MINDY4: variants seen among roughly 807,000 people sequenced by gnomAD.
MINDY4 encodes MINDY lysine 48 deubiquitinase 4.
A neutral mutation model predicts 87.0 loss-of-function variants in MINDY4; 68 were observed. That is an observed-to-expected ratio of 0.78 (90% CI 0.64 to 0.96). The LOEUF (loss-of-function observed/expected upper bound fraction) is 0.96. MINDY4 is among the 40% of genes least tolerant of loss of function. The pLI, the probability that MINDY4 is intolerant of heterozygous loss-of-function variation, is 0.00. For missense variants in MINDY4, 919 were observed against 928.2 expected, an observed-to-expected ratio of 0.99 and a Z score of 0.13; for synonymous variants, 379 against 363.2, an observed-to-expected ratio of 1.04 and a Z score of -0.50.
chr7:30,839,092 G>A (rs12667955), intron 7 of MINDY4, 108 bp from the exon 8 acceptor site: 26,817 of 652,810 alleles, frequency 0.041, 1,046 homozygotes, highest in East Asian at 0.15. Context: ...TAGAAAATGG[G>A]CTTCCCTGCT....
chr7:30,889,234 T>C (rs1790722188), intron 17 of MINDY4, among the ~76,000 whole-genome samples: 1 of 152,214 alleles, frequency 6.6e-6, no homozygotes, highest in African/African-American at 2.4e-5. Context: ...GCAAAGATGA[T>C]GAACAGAACA....
At chr7:30,772,858 G>A (rs1005093591) in intron 1 of MINDY4, among the ~76,000 whole-genome samples, 1 of 152,042 alleles carries the variant, frequency 6.6e-6, no homozygotes, top group Non-Finnish European at 1.5e-5. Flanking sequence ...CTTAGAGAGG[G>A]CTTCCTCGTG....
At chr7:30,811,628 C>T (rs749303262) in intron 5 of MINDY4, among the ~76,000 whole-genome samples, 12 of 152,150 alleles carry the variant, frequency 7.9e-5, no homozygotes, top group Middle Eastern at 3.2e-3. Context: ...GACAGCCCAG[C>T]GCCACACCCT....
intron 10 of MINDY4, among the ~76,000 whole-genome samples, chr7:30,850,822 G>A (rs1789393083): frequency 6.6e-6 from 1 of 152,182 alleles, no homozygotes; most frequent in Non-Finnish European, 1.5e-5. Context: ...TCCTCCTGAG[G>A]AGCTCTGGGG....
intron 17 of MINDY4, among the ~76,000 whole-genome samples, chr7:30,885,712 C>G (rs994766166): frequency 2.0e-5 from 3 of 150,774 alleles, no homozygotes; most frequent in Non-Finnish European, 4.4e-5. Flanking sequence ...GCCCACCCCC[C>G]CCCCAACCCT....
At chr7:30,789,894 A>G (rs958906018) in intron 4 of MINDY4, among the ~76,000 whole-genome samples, 13 of 152,288 alleles carry the variant, frequency 8.5e-5, no homozygotes, top group East Asian at 7.7e-4. Flanking sequence ...GGATATTTCA[A>G]TTGACTCCTC....
chr7:30,803,566 A>C lies in MINDY4; in HGVS notation c.1073+11992A>C, dbSNP rs73300069. Among the ~76,000 whole-genome samples, 210 of 152,224 alleles carry C rather than the reference A, an allele frequency of 1.4e-3. 1 individual carries two copies. Among genetic ancestry groups the C allele is most frequent in the African/African-American group, 4.6e-3 (193 of 41,542 alleles). ...GAAGCAGGGCTAAGCTGAGCCTTGA[A>C]GGCTGAGTGGGTTTGAATAACCCAG... On this transcript the variant is annotated intron_variant, in intron 5 of 17. Transcript: ENST00000265299.
chr7:30,837,691 C>T (rs558722337), intron 7 of MINDY4, among the ~76,000 whole-genome samples: 36 of 152,278 alleles, frequency 2.4e-4, no homozygotes, highest in African/African-American at 8.4e-4. Flanking sequence ...TTGGGGCAGA[C>T]CCCTCAGGCT....
At chr7:30,852,633 G>A (rs954007366) in intron 11 of MINDY4, among the ~76,000 whole-genome samples, 1 of 152,120 alleles carries the variant, frequency 6.6e-6, no homozygotes, top group African/African-American at 2.4e-5. Flanking sequence ...GTGGGGCAGG[G>A]GTGGTAAGGA....
At chr7:30,786,188 C>T in intron 4 of MINDY4, 196 bp downstream of exon 4, 1 of 651,042 alleles carries the variant, frequency 1.5e-6, no homozygotes, top group Non-Finnish European at 2.6e-6. Context: ...GAGCAGGCCT[C>T]CTTTCCTGCC....
chr7:30,777,147 C>A (rs548554871), intron 1 of MINDY4, among the ~76,000 whole-genome samples: 1 of 152,126 alleles, frequency 6.6e-6, no homozygotes, highest in South Asian at 2.1e-4. Flanking sequence ...AGTTCAGGGA[C>A]TGCAGGCCTA....
chr7:30,833,988 G>A (rs186493070), intron 6 of MINDY4, among the ~76,000 whole-genome samples: 1 of 152,226 alleles, frequency 6.6e-6, no homozygotes, highest in Non-Finnish European at 1.5e-5. Context: ...CTCCCTCCCA[G>A]TTGCTTTCAT....
At chr7:30,791,117 CA>C in intron 4 of MINDY4, 47 bp from the exon 5 acceptor site, 1 of 1,508,396 alleles carries the variant, frequency 6.6e-7, no homozygotes, top group Non-Finnish European at 8.9e-7. Context: ...CTTTGTTTTC[CA>C]GCTCCCCTCA....
Position 30,782,189 on chromosome 7 carries a change from A to G in MINDY4, c.396A>G (p.Ser132=), listed in dbSNP as rs746759709. The part of the protein sequence containing the change: ...LSDEDAGWRT[S]LSETSKARHD... The stretch of plus-strand genomic sequence containing the variant: ...ATGAAGATGCAGGATGGAGAACATC[A>G]TTGTCAGAAACAAGCAAAGCCAGGT... The change falls in exon 3 of 18, where the codon TCA becomes TCG. Residue 132 remains serine, a synonymous_variant. Transcript: ENST00000265299. 6.2e-7 allele frequency: 1 copy of G among 1,612,682 alleles called. No individual in the cohort carries two copies. Among genetic ancestry groups the G allele is most frequent in the South Asian group, 1.1e-5 (1 of 90,714 alleles).
In MINDY4 at chr7:30,880,543, C is replaced by T. The variant is rs1790432380; in HGVS notation, c.1972-1638C>T. Among the ~76,000 whole-genome samples, 3 of 152,134 alleles carry T rather than the reference C, an allele frequency of 2.0e-5. 1 individual carries two copies. The South Asian group carries it at 6.2e-4, about 31-fold the overall frequency. Reference sequence around the variant, plus strand: ...TTCAGGGTGGCTGATTATGCAAAGGCCTGCTCCCTGGTTGGCTTTGGGACT... The same window carrying T: ...TTCAGGGTGGCTGATTATGCAAAGGTCTGCTCCCTGGTTGGCTTTGGGACT... On this transcript the variant is annotated intron_variant, in intron 15 of 17. Transcript: ENST00000265299.
At chr7:30,813,204 G>A (rs933918100) in intron 5 of MINDY4, among the ~76,000 whole-genome samples, 5 of 152,166 alleles carry the variant, frequency 3.3e-5, no homozygotes, top group South Asian at 2.1e-4. Context: ...GCTTCATTCC[G>A]CCTCTGTAGA....
At chr7:30,838,016 G>A (rs1788913703) in intron 7 of MINDY4, among the ~76,000 whole-genome samples, 1 of 152,246 alleles carries the variant, frequency 6.6e-6, no homozygotes, top group South Asian at 2.1e-4. Context: ...GAGTCTGTAG[G>A]AAAGGTCTGA....
chr7:30,869,249 G>A (rs1045321900), intron 13 of MINDY4, among the ~76,000 whole-genome samples: 2 of 152,216 alleles, frequency 1.3e-5, no homozygotes, highest in African/African-American at 2.4e-5. Context: ...TGTGGCTCAG[G>A]TGGCCCCTGC....
intron 13 of MINDY4, among the ~76,000 whole-genome samples, chr7:30,868,142 T>A (rs1027135091): frequency 1.3e-5 from 2 of 152,134 alleles, no homozygotes; most frequent in Non-Finnish European, 2.9e-5. Context: ...CAGGGAGGCT[T>A]TTAGATGAAG....
Sources: allele counts gnomAD v4.1 joint callset (sites outside exome capture counted in the v4.1 genomes callset), GRCh38; gene constraint gnomAD v4.1.1; transcripts MANE v1.5; gene names NCBI Gene and HGNC (gene_info 2026-07-23, HGNC 2026-07-21).